The following MAX variants were observed in gnomAD, a reference collection of about 807,000 sequenced individuals.
MAX encodes the protein protein max.
A neutral mutation model predicts 22.3 loss-of-function variants in MAX; 3 were observed. The observed-to-expected ratio is 0.13, with a 90% CI of 0.06 to 0.35. The LOEUF (loss-of-function observed/expected upper bound fraction) is 0.35. Ranked by LOEUF, MAX falls within the 10% of genes least tolerant of loss-of-function variation. The probability of loss-of-function intolerance (pLI) is 1.00; values close to 1 mark genes in which losing one functional copy is unlikely to be tolerated. For synonymous variants in MAX, 72 were observed against 77.7 expected, an observed-to-expected ratio of 0.93 and a Z score of 0.39; for missense variants, 119 against 209.4, an observed-to-expected ratio of 0.57 and a Z score of 2.66.
At chr14:65,038,770 T>G (rs1001700127) in intron 3 of MAX, among the ~76,000 whole-genome samples, 1 of 152,198 alleles carries the variant, frequency 6.6e-6, no homozygotes, top group Non-Finnish European at 1.5e-5. Context: ...CGTTTCCATC[T>G]CTTAATCCTT....
intron 3 of MAX, among the ~76,000 whole-genome samples, chr14:65,064,376 C>T (rs1427503499): frequency 6.6e-6 from 1 of 152,170 alleles, no homozygotes; most frequent in East Asian, 1.9e-4. Context: ...GCAAAAGAGG[C>T]AATCTGTTGA....
intron 3 of MAX, among the ~76,000 whole-genome samples, chr14:65,065,705 A>G (rs1389687754): frequency 6.6e-6 from 1 of 152,188 alleles, no homozygotes; most frequent in Non-Finnish European, 1.5e-5. Flanking sequence ...TGGCGTGACT[A>G]TATACAAAAC....
Position 65,077,824 on chromosome 14 carries a change from A to G in MAX, c.295+89T>C, listed in dbSNP as rs375136508. On this transcript the variant is annotated intron_variant, in intron 4 of 4. Transcript: ENST00000358664. This position sits in a 1 kb window ranked among gnomAD's most constrained non-coding sequence, Gnocchi z 6.3. ...CCTGCTACTGAGCACATACTCCATG[A>G]CTGGCTCTGACTCTGCAGGCCCAGG... The G allele has an allele frequency of 5.3e-5, 85 of 1,614,028 alleles. No homozygotes were observed. The highest frequency in any genetic ancestry group is 7.0e-5 in the Non-Finnish European group (83 of 1,180,038).
chr14:65,094,117 C>T, intron 2 of MAX: 1 of 390,656 alleles, frequency 2.6e-6, no homozygotes, highest in African/African-American at 2.1e-5. Context: ...ATCAGTGGTC[C>T]CCCCCAACTT....
chr14:65,041,002 G>A, intron 3 of MAX: 1 of 1,557,618 alleles, frequency 6.4e-7, no homozygotes, highest in Non-Finnish European at 8.7e-7. Flanking sequence ...CTTCAGGAGA[G>A]TTTGGCTATG....
intron 3 of MAX, among the ~76,000 whole-genome samples, chr14:65,051,591 A>T (rs987285216): frequency 6.6e-6 from 1 of 151,986 alleles, no homozygotes; most frequent in Non-Finnish European, 1.5e-5. Context: ...AACCTGGGCA[A>T]CAGAGTGAGA....
At chr14:65,008,208 T>G (rs548488082) in intron 3 of MAX, among the ~76,000 whole-genome samples, 1 of 152,332 alleles carries the variant, frequency 6.6e-6, no homozygotes, top group Non-Finnish European at 1.5e-5. Flanking sequence ...GTTTAGAAAG[T>G]CCCCAGGAAC....
Position 65,082,640 on chromosome 14 carries a change from G to A in MAX, c.172-4604C>T, listed in dbSNP as rs770944084. On this transcript the variant is annotated intron_variant, in intron 3 of 4. Coordinates refer to ENST00000358664, the MANE Select transcript of MAX (RefSeq NM_002382.5). This position sits in a 1 kb window ranked among gnomAD's most constrained non-coding sequence, Gnocchi z 4.8. ...AGATTAGCTGGGCATGGTGGTACAC[G>A]AATGTGGTCCCAGCTACTTGGGAGG... Among the ~76,000 whole-genome samples the A allele has an allele frequency of 6.6e-6, 1 of 152,014 alleles. No individual in the cohort carries two copies. The highest frequency in any genetic ancestry group is 2.4e-5 in the African/African-American group (1 of 41,376).
At chr14:65,015,689 A>G in intron 3 of MAX, 1 of 1,614,138 alleles carries the variant, frequency 6.2e-7, no homozygotes, top group Non-Finnish European at 8.5e-7. Context: ...CTGCTAGATG[A>G]ACCCATCCCC....
Position 65,037,403 on chromosome 14 carries a change from C to CTTTTTTTTTTTTTTTTTTTTTTTTTTTT in MAX, c.172-31147_172-31120dup. ...TAGGCGTGAGCCACCACGCCGGGCCCTTTTTTTTTTTTTTTTTTTTTTTTT... is the reference window on the plus strand; with the variant it reads ...TAGGCGTGAGCCACCACGCCGGGCCCTTTTTTTTTTTTTTTTTTTTTTTTTTTTTTTTTTTTTTTTTTTTTTTTTTTTT... On this transcript the variant is annotated intron_variant, in intron 3 of 3. Coordinates refer to the MAX transcript ENST00000341653. 3.4e-4 allele frequency among the ~76,000 whole-genome samples: 10 copies of CTTTTTTTTTTTTTTTTTTTTTTTTTTTT among 29,646 alleles called. 3 individuals are homozygous for CTTTTTTTTTTTTTTTTTTTTTTTTTTTT. The highest frequency in any genetic ancestry group is 1.7e-3 in the Admixed American group (4 of 2,366). The allele number at this position is 29,646 out of a possible 152,430, so 19.4% of individuals were successfully genotyped here.
chr14:65,027,355 G>A lies in MAX; in HGVS notation c.172-21071C>T. 5 of 1,556,592 alleles carry A rather than the reference G, an allele frequency of 3.2e-6. No individual in the cohort carries two copies. Among genetic ancestry groups the A allele is most frequent in the Non-Finnish European group, 4.3e-6 (5 of 1,150,900 alleles). The stretch of plus-strand genomic sequence containing the variant: ...GAGGTTCCCCTCAACTTTTGAGGGA[G>A]TGGGGGATCATTGGAAAGGCCTGGA... On this transcript the variant is annotated intron_variant, in intron 3 of 3. Transcript: ENST00000341653. This position sits in a 1 kb window ranked among gnomAD's most constrained non-coding sequence, Gnocchi z 5.7.
At chr14:65,026,452 G>C (rs572146564) in intron 3 of MAX, among the ~76,000 whole-genome samples, 1 of 152,186 alleles carries the variant, frequency 6.6e-6, no homozygotes, top group East Asian at 1.9e-4. Flanking sequence ...AGACTGGGAG[G>C]CATTCTCACG....
In MAX at chr14:65,054,832, C is replaced by T. The variant is rs2296314; in HGVS notation, c.171+38876G>A. ...CCCTCTGCCCTTCGAGCTGTGCAGCCGTTAGTGAGGATGTGACCACAGAGG... is the reference window on the plus strand; with the variant it reads ...CCCTCTGCCCTTCGAGCTGTGCAGCTGTTAGTGAGGATGTGACCACAGAGG... On this transcript the variant is annotated intron_variant, in intron 3 of 3. Transcript: ENST00000341653. The surrounding 1 kb of genome is among the most constrained non-coding windows in gnomAD (Gnocchi z 4.4). 5.1e-3 allele frequency: 4,677 copies of T among 919,546 alleles called. 87 individuals are homozygous for T. The highest frequency in any genetic ancestry group is 0.045 in the East Asian group (1,671 of 37,472). 57.0% of individuals were successfully genotyped at this position (919,546 alleles called of 1,614,324 possible).
At chr14:65,045,504 C>T (rs1435122633) in intron 3 of MAX, among the ~76,000 whole-genome samples, 2 of 151,264 alleles carry the variant, frequency 1.3e-5, no homozygotes, top group African/African-American at 4.9e-5. Flanking sequence ...CAGCCTCCAC[C>T]TCCCAGGTTC....
At chr14:65,053,374 G>C in intron 3 of MAX, 1 of 1,400,986 alleles carries the variant, frequency 7.1e-7, no homozygotes, top group Non-Finnish European at 9.4e-7. Context: ...TCTGGGGAGG[G>C]AAGGGAGAGG....
Position 65,088,218 on chromosome 14 carries a change from T to A in MAX, c.171+5490A>T, listed in dbSNP as rs538380975. 2.6e-5 allele frequency among the ~76,000 whole-genome samples: 4 copies of A among 152,326 alleles called. No individual in the cohort carries two copies. Among genetic ancestry groups the A allele is most frequent in the African/African-American group, 9.6e-5 (4 of 41,568 alleles). ...GTGTATAGTAACTGGAAGGTTAATGTCAGGAAGGAGGCGAAAAAGCAGGTA... is the reference window on the plus strand; with the variant it reads ...GTGTATAGTAACTGGAAGGTTAATGACAGGAAGGAGGCGAAAAAGCAGGTA... On this transcript the variant is annotated intron_variant, in intron 3 of 4. Transcript: ENST00000358664. This position sits in a 1 kb window ranked among gnomAD's most constrained non-coding sequence, Gnocchi z 5.2.
Position 65,076,787 on chromosome 14 carries a change from G to T in MAX, c.296-124C>A. The T allele has an allele frequency of 9.1e-7, 1 of 1,103,234 alleles. No individual in the cohort carries two copies. Among genetic ancestry groups the T allele is most frequent in the Non-Finnish European group, 1.4e-6 (1 of 725,548 alleles). 68.3% of individuals were successfully genotyped at this position (1,103,234 alleles called of 1,614,324 possible). A position where few individuals can be genotyped will look rare whatever the true frequency, so the allele number is the denominator to read the frequency against. ...CTTGTTGGCCCCCGAGGCTCAAGAT[G>T]CTCAGAAGTAGCTCCCTTCGGGTGG... On this transcript the variant is annotated intron_variant, in intron 4 of 4. Transcript: ENST00000358664. The surrounding 1 kb of genome is among the most constrained non-coding windows in gnomAD (Gnocchi z 6.6).
chr14:65,059,020 TTC>T (rs1205922438), intron 3 of MAX, among the ~76,000 whole-genome samples: 2 of 152,290 alleles, frequency 1.3e-5, no homozygotes, highest in Non-Finnish European at 2.9e-5. Context: ...CTTACCTTTT[TTC>T]TTTTTCTTTT....
chr14:65,064,864 G>T lies in MAX; in HGVS notation c.171+28844C>A, dbSNP rs553138251. Among the ~76,000 whole-genome samples the T allele has an allele frequency of 2.0e-5, 3 of 152,374 alleles. No individual in the cohort carries two copies. In the East Asian group the frequency reaches 5.8e-4, roughly 29 times the overall value. ...GTGATTACTGGGATAGAAGCCTGTA[G>T]GGACACTGTTGGCATCCATGCCACT... On this transcript the variant is annotated intron_variant, in intron 3 of 3. Coordinates refer to the MAX transcript ENST00000341653.
Sources: gnomAD v4.1 joint callset for allele counts (sites outside exome capture counted in the v4.1 genomes callset) on GRCh38, gnomAD v4.1.1 for gene constraint, Gnocchi (gnomAD v3.1) non-coding constraint, MANE v1.5 for transcripts, NCBI Gene and HGNC (gene_info 2026-07-23, HGNC 2026-07-21) for gene names.